Variants in VPS45 observed in about 807,000 individuals in gnomAD.
VPS45 encodes vacuolar protein sorting-associated protein 45.
In VPS45, 35 loss-of-function variants were observed where a neutral mutation model predicts 75.9. The ratio of observed to expected loss-of-function variants is 0.46; its 90% CI spans 0.35 to 0.61. The LOEUF is 0.61. Among genes scored for constraint, VPS45 ranks in the 20% least tolerant of loss-of-function variants. The probability of loss-of-function intolerance (pLI) is 0.00; values close to 1 mark genes in which losing one functional copy is unlikely to be tolerated. For synonymous variants in VPS45, 220 were observed against 238.2 expected, an observed-to-expected ratio of 0.92 and a Z score of 0.70; for missense variants, 559 against 685.9, an observed-to-expected ratio of 0.81 and a Z score of 2.07.
intron 1 of VPS45, 173 bp downstream of exon 1, chr1:150,068,123 T>A (rs1654828435): frequency 6.3e-6 from 4 of 636,594 alleles, no homozygotes; most frequent in Admixed American, 5.8e-5. Context: ...TCAGTCTACA[T>A]GGCTCCAGCC....
chr1:150,144,909 C>T lies in VPS45; in HGVS notation c.*113C>T, dbSNP rs1553816267. 6.4e-7 allele frequency: 1 copy of T among 1,561,716 alleles called. No homozygotes were observed. The highest frequency in any genetic ancestry group is 8.6e-7 in the Non-Finnish European group (1 of 1,157,208). ...GGGTTCTGTGCTGGTTGTTAGAACTCATCTCCAGGTAGCCCACGGATACGT... is the reference window on the plus strand; with the variant it reads ...GGGTTCTGTGCTGGTTGTTAGAACTTATCTCCAGGTAGCCCACGGATACGT... On this transcript the variant is annotated 3_prime_UTR_variant, in exon 15 of 15. Coordinates refer to ENST00000644510, the MANE Select transcript of VPS45 (RefSeq NM_007259.5).
intron 14 of VPS45, among the ~76,000 whole-genome samples, chr1:150,133,861 G>T (rs587596699): frequency 4.6e-5 from 7 of 151,954 alleles, no homozygotes; most frequent in Non-Finnish European, 7.4e-5. Flanking sequence ...CTTTCTCTTC[G>T]CATGACATTC....
At chr1:150,097,331 G>A (rs1348909210) in intron 13 of VPS45, among the ~76,000 whole-genome samples, 1 of 151,152 alleles carries the variant, frequency 6.6e-6, no homozygotes, top group East Asian at 2.0e-4. Flanking sequence ...TGATCCGCCC[G>A]CCTCACCTCG....
chr1:150,130,351 A>G (rs1658768013), intron 14 of VPS45, among the ~76,000 whole-genome samples: 1 of 151,600 alleles, frequency 6.6e-6, no homozygotes, highest in Non-Finnish European at 1.5e-5. Flanking sequence ...ACCATGCCCA[A>G]CTAATTTTTA....
intron 13 of VPS45, among the ~76,000 whole-genome samples, chr1:150,099,369 C>T (rs1656839985): frequency 6.6e-6 from 1 of 151,466 alleles, no homozygotes; most frequent in Non-Finnish European, 1.5e-5. Flanking sequence ...GGTGTGGTGG[C>T]AGGCACAGTG....
rs587639831 is a variant in VPS45 at position 150,090,125 on chromosome 1, G to A, written c.1105-1812G>A. ...TAAGTTGTAAAGTAATCATATAGTTGATAGTTATGTCCTCAGAATTCAGTG... is the reference window on the plus strand; with the variant it reads ...TAAGTTGTAAAGTAATCATATAGTTAATAGTTATGTCCTCAGAATTCAGTG... On this transcript the variant is annotated intron_variant, in intron 10 of 14. Transcript: ENST00000644510. 4.4e-4 allele frequency among the ~76,000 whole-genome samples: 67 copies of A among 152,332 alleles called. No individual in the cohort carries two copies. The Middle Eastern group carries it at 0.017, about 39-fold the overall frequency.
intron 14 of VPS45, among the ~76,000 whole-genome samples, chr1:150,129,979 G>C (rs1658738303): frequency 6.6e-6 from 1 of 151,420 alleles, no homozygotes. Context: ...AGCCTCCCAA[G>C]TATCTAGGAC....
At chr1:150,074,178 C>A (rs1454926899) in intron 3 of VPS45, among the ~76,000 whole-genome samples, 2 of 151,466 alleles carry the variant, frequency 1.3e-5, no homozygotes, top group Non-Finnish European at 2.9e-5. Flanking sequence ...CCACGCCCAG[C>A]TAATTTTTGT....
chr1:150,072,275 G>C (rs782386998), intron 3 of VPS45, 49 bp downstream of exon 3: 2 of 1,399,240 alleles, frequency 1.4e-6, no homozygotes, highest in Non-Finnish European at 2.0e-6. Flanking sequence ...ATCCCAGTTA[G>C]TGTGTTTCAT....
chr1:150,068,943 T>C, intron 2 of VPS45, 179 bp downstream of exon 2: 1 of 604,052 alleles, frequency 1.7e-6, no homozygotes, highest in Non-Finnish European at 2.6e-6. Context: ...GTTGACCCCT[T>C]ACAGCCAGTT....
chr1:150,067,586 T>A (rs782168193), upstream of VPS45: 21 of 459,744 alleles, frequency 4.6e-5, no homozygotes, highest in Non-Finnish European at 8.1e-5. Flanking sequence ...AGTCCGGGCC[T>A]CAGGCATCTT....
intron 14 of VPS45, among the ~76,000 whole-genome samples, chr1:150,132,860 GT>G (rs1172173016): frequency 1.3e-5 from 2 of 152,134 alleles, no homozygotes; most frequent in African/African-American, 2.4e-5. Flanking sequence ...TCATACCATT[GT>G]TGTGATGATT....
chr1:150,094,553 A>AG (rs1320969139), intron 13 of VPS45, among the ~76,000 whole-genome samples: 2 of 151,592 alleles, frequency 1.3e-5, no homozygotes, highest in Non-Finnish European at 2.9e-5. Flanking sequence ...CAGAAAAAAA[A>AG]ATCATCTTTT....
chr1:150,079,857 A>G (rs1655599042), intron 7 of VPS45, among the ~76,000 whole-genome samples: 2 of 152,218 alleles, frequency 1.3e-5, no homozygotes, highest in African/African-American at 4.8e-5. Context: ...AAAGTAATAT[A>G]TGTTCACCAA....
intron 13 of VPS45, among the ~76,000 whole-genome samples, chr1:150,100,434 T>A (rs1375918217): frequency 6.6e-6 from 1 of 152,230 alleles, no homozygotes; most frequent in African/African-American, 2.4e-5. Flanking sequence ...TTCAGTGCTA[T>A]TCCTATCTAA....
At chr1:150,107,897 G>A (rs186241100) in intron 13 of VPS45, among the ~76,000 whole-genome samples, 6 of 152,054 alleles carry the variant, frequency 3.9e-5, no homozygotes, top group East Asian at 3.9e-4. Context: ...GCAAGACTCC[G>A]TCTCAAAAAA....
At chr1:150,142,733 T>G (rs1659454449) in intron 14 of VPS45, 1 of 364,008 alleles carries the variant, frequency 2.7e-6, no homozygotes, top group Non-Finnish European at 5.6e-6. Context: ...TGGCACAATC[T>G]TGGCTCACTG....
intron 13 of VPS45, 85 bp from the exon 14 acceptor site, chr1:150,110,411 T>A: frequency 7.7e-7 from 1 of 1,301,610 alleles, no homozygotes; most frequent in Non-Finnish European, 1.0e-6. Context: ...AAAAAAAAGA[T>A]TTAGAAATTA....
intron 8 of VPS45, 53 bp from the exon 9 acceptor site, chr1:150,081,831 G>A: frequency 9.0e-7 from 1 of 1,116,350 alleles, no homozygotes; most frequent in Non-Finnish European, 1.3e-6. Context: ...CTTTCAAGTT[G>A]TCTGAAAGTC....
Sources: allele counts gnomAD v4.1 joint callset (sites outside exome capture counted in the v4.1 genomes callset), GRCh38; gene constraint gnomAD v4.1.1; transcripts MANE v1.5; gene names NCBI Gene and HGNC (gene_info 2026-07-23, HGNC 2026-07-21).